PIK3C2G: variants seen among roughly 807,000 people sequenced by gnomAD.
The protein encoded by PIK3C2G is phosphatidylinositol-4-phosphate 3-kinase catalytic subunit type 2 gamma.
In PIK3C2G, 168 loss-of-function variants were observed where a neutral mutation model predicts 181.1. The ratio of observed to expected loss-of-function variants is 0.93; its 90% CI spans 0.82 to 1.05. The LOEUF is 1.05. Among genes scored for constraint, PIK3C2G ranks in the 50% least tolerant of loss-of-function variants. PIK3C2G has a pLI of 0.00. For missense variants in PIK3C2G, 1,869 were observed against 1,732.8 expected (o/e 1.08, Z -1.40); for synonymous variants, 573 against 592.2 (o/e 0.97, Z 0.47).
chr12:18,594,513 T>C lies in PIK3C2G; in HGVS notation c.4031T>C (p.Phe1344Ser). 1 of 1,555,564 alleles carries C rather than the reference T, an allele frequency of 6.4e-7. No homozygotes were observed. Among genetic ancestry groups the C allele is most frequent in the Non-Finnish European group, 8.6e-7 (1 of 1,157,128 alleles). Residue 1344 changes from phenylalanine (F) to serine (S), a missense_variant, in exon 30 of 33, where the codon TTT (phenylalanine) becomes TCT (serine). Transcript: ENST00000538779. ...EVTNSDCVLS[F>S]FLSEAVQQTV... is the part of the protein sequence containing the mutation. Reference sequence around the variant, plus strand: ...TTTCAGAGTGATTGTGTACTTAGCTTTTTCCTCTCTGAGGCTGTGCAACAA... The same window carrying C: ...TTTCAGAGTGATTGTGTACTTAGCTCTTTCCTCTCTGAGGCTGTGCAACAA...
At chr12:18,668,510 A>G in the PIK3C2G span, among the ~76,000 whole-genome samples, 121 of 152,184 alleles carry the variant, frequency 8.0e-4, no homozygotes, top group Non-Finnish European at 1.4e-3. Flanking sequence ...GTCTACTACA[A>G]CTGAAGCTCC....
At chr12:18,684,204 A>G in the PIK3C2G span, 4 of 1,612,292 alleles carry the variant, frequency 2.5e-6, no homozygotes, top group South Asian at 1.1e-5. Context: ...TTGACCTTCA[A>G]CAACAAAACG....
the PIK3C2G span, among the ~76,000 whole-genome samples, chr12:18,665,968 G>A: frequency 1.3e-5 from 2 of 151,294 alleles, no homozygotes; most frequent in Admixed American, 1.3e-4. Context: ...GCGTGGTGGT[G>A]CATGCCTGAG....
At chr12:18,528,129 A>T (rs1490367978) in intron 24 of PIK3C2G, among the ~76,000 whole-genome samples, 1 of 152,282 alleles carries the variant, frequency 6.6e-6, no homozygotes, top group African/African-American at 2.4e-5. Flanking sequence ...TTGCTTAATT[A>T]TCTAATGTTC....
chr12:18,401,795 A>G (rs896134070), intron 16 of PIK3C2G, among the ~76,000 whole-genome samples: 1 of 152,180 alleles, frequency 6.6e-6, no homozygotes, highest in Non-Finnish European at 1.5e-5. Context: ...GGAAATAAAA[A>G]TGAAAATCAC....
At chr12:18,510,366 T>C (rs1942128317) in intron 24 of PIK3C2G, among the ~76,000 whole-genome samples, 1 of 152,236 alleles carries the variant, frequency 6.6e-6, no homozygotes, top group African/African-American at 2.4e-5. Context: ...CAATGATTTC[T>C]ACAGAGTGAT....
intron 13 of PIK3C2G, among the ~76,000 whole-genome samples, chr12:18,380,297 C>T (rs1942750998): frequency 6.6e-6 from 1 of 152,156 alleles, no homozygotes; most frequent in African/African-American, 2.4e-5. Flanking sequence ...TCCAATATGG[C>T]ACATCCTCCT....
At chr12:18,270,126 T>A (rs750677959) in intron 1 of PIK3C2G, among the ~76,000 whole-genome samples, 1 of 151,904 alleles carries the variant, frequency 6.6e-6, no homozygotes. Flanking sequence ...GTCAGGCTAG[T>A]CTTGAACTCC....
chr12:18,609,906 G>T (rs1228121447), intron 31 of PIK3C2G, among the ~76,000 whole-genome samples: 1 of 152,030 alleles, frequency 6.6e-6, no homozygotes, highest in Non-Finnish European at 1.5e-5. Context: ...GAAAAAGCAG[G>T]ATTAGCTGGA....
chr12:18,532,255 A>T (rs1424160869), intron 24 of PIK3C2G, among the ~76,000 whole-genome samples: 1 of 152,114 alleles, frequency 6.6e-6, no homozygotes, highest in Non-Finnish European at 1.5e-5. Flanking sequence ...AATTTTGAGA[A>T]TTTTTAAAAT....
intron 26 of PIK3C2G, among the ~76,000 whole-genome samples, chr12:18,555,173 A>G (rs776528031): frequency 6.6e-6 from 1 of 152,264 alleles, no homozygotes; most frequent in Non-Finnish European, 1.5e-5. Flanking sequence ...AAATATATGA[A>G]CAATTTAAAC....
intron 29 of PIK3C2G, among the ~76,000 whole-genome samples, chr12:18,568,321 A>C (rs1945743901): frequency 6.6e-6 from 1 of 152,090 alleles, no homozygotes; most frequent in Admixed American, 6.6e-5. Context: ...GTTGTTAGAA[A>C]CTAAAACTAA....
intron 4 of PIK3C2G, 62 bp downstream of exon 4, chr12:18,291,074 T>C (rs1949673853): frequency 9.3e-6 from 9 of 968,540 alleles, no homozygotes; most frequent in Non-Finnish European, 1.3e-5. Context: ...GACGTAGCCT[T>C]GAATTCAAAG....
the PIK3C2G span, among the ~76,000 whole-genome samples, chr12:18,706,265 C>T: frequency 2.0e-5 from 3 of 151,152 alleles, no homozygotes. Flanking sequence ...AAGAAGAAGA[C>T]AGAGCTATCT....
intron 11 of PIK3C2G, among the ~76,000 whole-genome samples, chr12:18,353,036 CT>C (rs1441638053): frequency 6.6e-6 from 1 of 152,172 alleles, no homozygotes; most frequent in Non-Finnish European, 1.5e-5. Flanking sequence ...CATGTTCTCA[CT>C]TTGGGCCGCA....
intron 15 of PIK3C2G, among the ~76,000 whole-genome samples, chr12:18,391,888 T>G (rs56369983): frequency 2.7e-5 from 4 of 150,212 alleles, no homozygotes; most frequent in Admixed American, 6.7e-5. Context: ...TGTGTGTGTG[T>G]GAGAGAGAGA....
chr12:18,270,630 T>G (rs1360436443), intron 1 of PIK3C2G, among the ~76,000 whole-genome samples: 4 of 152,186 alleles, frequency 2.6e-5, no homozygotes, highest in Non-Finnish European at 5.9e-5. Flanking sequence ...ATAGTTTTAC[T>G]CTAATTCTAG....
At chr12:18,318,999 C>A (rs1591938728) in intron 6 of PIK3C2G, among the ~76,000 whole-genome samples, 1 of 151,924 alleles carries the variant, frequency 6.6e-6, no homozygotes, top group East Asian at 1.9e-4. Context: ...GCACAAGAAT[C>A]GCTTGAACCC....
chr12:18,653,705 C>T, the PIK3C2G span, among the ~76,000 whole-genome samples: 2 of 152,096 alleles, frequency 1.3e-5, no homozygotes, highest in African/African-American at 4.8e-5. Context: ...GTTAAGTAGA[C>T]TCTGAGTTTA....
Sources: gnomAD v4.1 joint callset for allele counts (sites outside exome capture counted in the v4.1 genomes callset) on GRCh38, gnomAD v4.1.1 for gene constraint, MANE v1.5 for transcripts, NCBI Gene and HGNC (gene_info 2026-07-23, HGNC 2026-07-21) for gene names.